PRKACB: variants seen among roughly 807,000 people sequenced by gnomAD.
The protein encoded by PRKACB is protein kinase cAMP-activated catalytic subunit beta.
Under a neutral mutation model 51.4 loss-of-function variants are expected in PRKACB, and 16 were observed. That is an observed-to-expected ratio of 0.31 (90% CI 0.21 to 0.47). The LOEUF is 0.47. Ranked by LOEUF, PRKACB falls within the 20% of genes least tolerant of loss-of-function variation. The pLI is 1.00. For missense variants in PRKACB, 309 were observed against 464.5 expected (o/e 0.67, Z 3.08); for synonymous variants, 147 against 154.4 (o/e 0.95, Z 0.35).
chr1:84,211,130 CA>C (rs1452090196), intron 8 of PRKACB, among the ~76,000 whole-genome samples: 47 of 2,304 alleles, frequency 0.02, 1 homozygote, highest in African/African-American at 0.03. Flanking sequence ...TCCACTGTCA[CA>C]CACACACACA....
chr1:84,213,883 C>T (rs1672491356), intron 8 of PRKACB, among the ~76,000 whole-genome samples: 1 of 152,144 alleles, frequency 6.6e-6, no homozygotes, highest in Non-Finnish European at 1.5e-5. Context: ...TAGGTGTGCA[C>T]ATTTTTCTGG....
At chr1:84,084,056 T>C (rs1421198108) in intron 1 of PRKACB, among the ~76,000 whole-genome samples, 1 of 152,138 alleles carries the variant, frequency 6.6e-6, no homozygotes, top group African/African-American at 2.4e-5. Flanking sequence ...TTCATTAAAG[T>C]TCAGCTGGGG....
At chr1:84,148,713 A>G (rs141459341) in intron 1 of PRKACB, among the ~76,000 whole-genome samples, 39 of 152,330 alleles carry the variant, frequency 2.6e-4, no homozygotes, top group African/African-American at 8.7e-4. Flanking sequence ...GTGTATTTTT[A>G]TCATGATTTC....
At chr1:84,176,685 C>A (rs1335106130) in intron 1 of PRKACB, among the ~76,000 whole-genome samples, 2 of 151,456 alleles carry the variant, frequency 1.3e-5, no homozygotes, top group Non-Finnish European at 3.0e-5. Flanking sequence ...TTAATGTACT[C>A]GAAAAGAAAA....
At position 84,132,417 on chromosome 1, in the gene PRKACB, A is replaced by C. The variant is rs1280543532; in HGVS notation, c.47-46760A>C. Among the ~76,000 whole-genome samples, 5 of 152,164 alleles carry C rather than the reference A, an allele frequency of 3.3e-5. No homozygotes were observed. The South Asian group carries it at 8.3e-4, about 25-fold the overall frequency. ...AGCTTACCTCCTGGCCAGATTAACAAATCCACATCATATGTTTACCTTTGT... is the reference window on the plus strand; with the variant it reads ...AGCTTACCTCCTGGCCAGATTAACACATCCACATCATATGTTTACCTTTGT... On this transcript the variant is annotated intron_variant, in intron 1 of 8. Coordinates refer to the PRKACB transcript ENST00000370688.
rs559597642 is a variant in PRKACB, at chr1:84,079,602, C to G, written c.46+1231C>G. Among the ~76,000 whole-genome samples, 121 of 152,150 alleles carry G rather than the reference C, an allele frequency of 8.0e-4. 1 individual carries two copies. The South Asian group carries it at 0.016, about 20-fold the overall frequency. ...AAGTTTGATGAGCTATTATATAAGC[C>G]AAGAACACACAGCATGTTATACGGA... is the stretch of plus-strand genomic sequence containing the variant. On this transcript the variant is annotated intron_variant, in intron 1 of 8. Transcript: ENST00000370688.
intron 9 of PRKACB, among the ~76,000 whole-genome samples, 175 bp downstream of exon 9, chr1:84,214,492 A>AT (rs200259148): frequency 0.26 from 34,839 of 136,622 alleles, 4,877 homozygotes; most frequent in East Asian, 0.42. Flanking sequence ...TCCCCCTAGA[A>AT]TTTTTTTTTT....
chr1:84,152,048 A>G (rs1179672690), intron 1 of PRKACB, among the ~76,000 whole-genome samples: 1 of 152,198 alleles, frequency 6.6e-6, no homozygotes, highest in African/African-American at 2.4e-5. Context: ...TATTTCTTAA[A>G]TAATAAGACC....
intron 7 of PRKACB, among the ~76,000 whole-genome samples, chr1:84,199,132 T>TATATATATATATATAC (rs1553181672): frequency 6.8e-6 from 1 of 147,298 alleles, no homozygotes; most frequent in African/African-American, 2.5e-5. Context: ...TATATATATA[T>TATATATATATATATAC]ACACACACAT....
At chr1:84,132,810 A>G (rs1652374717) in intron 1 of PRKACB, among the ~76,000 whole-genome samples, 1 of 152,174 alleles carries the variant, frequency 6.6e-6, no homozygotes, top group Non-Finnish European at 1.5e-5. Flanking sequence ...ATAGGTCAAT[A>G]GGAACTCCCT....
chr1:84,128,267 A>T (rs1439273181), intron 1 of PRKACB, among the ~76,000 whole-genome samples: 2 of 150,094 alleles, frequency 1.3e-5, no homozygotes, highest in African/African-American at 4.9e-5. Flanking sequence ...AGCAAAATTA[A>T]AAAAAAAAGA....
At position 84,164,261 on chromosome 1, in the gene PRKACB, G is replaced by A. The variant is rs1054329530; in HGVS notation, c.188-14916G>A. The A allele has an allele frequency of 2.0e-5, 29 of 1,458,802 alleles. No homozygotes were observed. The South Asian group carries it at 2.1e-4, about 11-fold the overall frequency. 90.4% of individuals were successfully genotyped at this position (1,458,802 alleles called of 1,614,324 possible). A position where few individuals can be genotyped will look rare whatever the true frequency, so the allele number is the denominator to read the frequency against. ...CTCATGAAAAATGAAAGCTATCAGCGATCTCGGCAATAAGATTCATCGCCA... is the reference window on the plus strand; with the variant it reads ...CTCATGAAAAATGAAAGCTATCAGCAATCTCGGCAATAAGATTCATCGCCA... On this transcript the variant is annotated intron_variant, in intron 1 of 9. Coordinates refer to ENST00000370685, the MANE Select transcript of PRKACB (RefSeq NM_182948.4).
At chr1:84,176,904 G>A (rs115325956) in intron 1 of PRKACB, among the ~76,000 whole-genome samples, 47 of 151,846 alleles carry the variant, frequency 3.1e-4, no homozygotes, top group African/African-American at 1.0e-3. Context: ...AAATAATGCC[G>A]GAAATTTTTC....
At chr1:84,117,009 G>T (rs544685579) in intron 1 of PRKACB, among the ~76,000 whole-genome samples, 26 of 151,800 alleles carry the variant, frequency 1.7e-4, no homozygotes, top group Non-Finnish European at 2.9e-4. Context: ...CTAGTTTGTT[G>T]AGTTTTGTTA....
At chr1:84,089,830 T>G (rs1030056684) in intron 1 of PRKACB, among the ~76,000 whole-genome samples, 1 of 152,188 alleles carries the variant, frequency 6.6e-6, no homozygotes, top group African/African-American at 2.4e-5. Context: ...TTTTTAAATA[T>G]TCCCATTATG....
At chr1:84,205,816 A>G (rs1438278862) in intron 8 of PRKACB, among the ~76,000 whole-genome samples, 1 of 152,170 alleles carries the variant, frequency 6.6e-6, no homozygotes, top group African/African-American at 2.4e-5. Context: ...TTAAAAAAAC[A>G]GAGGAGGTGG....
intron 1 of PRKACB, among the ~76,000 whole-genome samples, chr1:84,170,568 C>A (rs563123519): frequency 6.6e-6 from 1 of 151,592 alleles, no homozygotes; most frequent in Non-Finnish European, 1.5e-5. Context: ...ATACAAAATC[C>A]TATACTGGGA....
intron 8 of PRKACB, chr1:84,204,475 C>G: frequency 1.3e-6 from 2 of 1,581,670 alleles, no homozygotes; most frequent in Non-Finnish European, 1.7e-6. Context: ...TTGTTTTCTC[C>G]CAGCAGAACT....
chr1:84,223,036 A>G (rs766379063), intron 9 of PRKACB, among the ~76,000 whole-genome samples: 7 of 152,110 alleles, frequency 4.6e-5, no homozygotes, highest in Non-Finnish European at 8.8e-5. Context: ...AGCTTCCTGT[A>G]TCTGGATTTC....
Sources: allele counts gnomAD v4.1 joint callset (sites outside exome capture counted in the v4.1 genomes callset), GRCh38; gene constraint gnomAD v4.1.1; transcripts MANE v1.5; gene names NCBI Gene and HGNC (gene_info 2026-07-23, HGNC 2026-07-21).